STK3: variants seen among roughly 807,000 people sequenced by gnomAD.
STK3 encodes serine/threonine kinase 3, also known as serine/threonine-protein kinase 3.
A neutral mutation model predicts 58.0 loss-of-function variants in STK3; 41 were observed. The ratio of observed to expected loss-of-function variants is 0.71; its 90% CI spans 0.55 to 0.92. The LOEUF is 0.92. Ranked by LOEUF, STK3 falls within the 40% of genes least tolerant of loss-of-function variation. STK3 has a pLI of 0.00. For synonymous variants in STK3, 170 were observed against 191.0 expected (o/e 0.89, Z 0.91); for missense variants, 479 against 602.7 (o/e 0.79, Z 2.15).
intron 4 of STK3, among the ~76,000 whole-genome samples, chr8:98,720,750 C>CACA (rs751661609): frequency 3.2e-5 from 3 of 94,770 alleles, no homozygotes; most frequent in Non-Finnish European, 6.5e-5. Flanking sequence ...GACTCCGTCT[C>CACA]AAAAAAAAAA....
intron 1 of STK3, among the ~76,000 whole-genome samples, chr8:98,908,935 CACT>C (rs144667301): frequency 0.028 from 4,231 of 150,734 alleles, 212 homozygotes; most frequent in African/African-American, 0.098. Flanking sequence ...GTGGGCAGAT[CACT>C]TGAGGTCAGG....
downstream of STK3, among the ~76,000 whole-genome samples, chr8:98,400,131 T>C (rs1817928825): frequency 6.6e-6 from 1 of 151,986 alleles, no homozygotes; most frequent in South Asian, 2.1e-4. Flanking sequence ...GGTCTGACTG[T>C]AGAGATGCAA....
chr8:98,450,427 T>C (rs998364447), downstream of STK3, among the ~76,000 whole-genome samples: 1 of 152,196 alleles, frequency 6.6e-6, no homozygotes, highest in South Asian at 2.1e-4. Flanking sequence ...AATTGCTGTA[T>C]TACAGATGAA....
At chr8:98,747,660 G>C (rs1487809511) in intron 4 of STK3, among the ~76,000 whole-genome samples, 1 of 152,128 alleles carries the variant, frequency 6.6e-6, no homozygotes, top group African/African-American at 2.4e-5. Flanking sequence ...CCTTGCACTA[G>C]AAAAGAAAGA....
intron 8 of STK3, among the ~76,000 whole-genome samples, chr8:98,556,053 T>C (rs1811563270): frequency 6.6e-6 from 1 of 152,048 alleles, no homozygotes; most frequent in South Asian, 2.1e-4. Flanking sequence ...ATTTACCCAG[T>C]GGCAAAGGAG....
At chr8:98,613,617 TA>T (rs541683046) in intron 6 of STK3, among the ~76,000 whole-genome samples, 4 of 150,778 alleles carry the variant, frequency 2.7e-5, no homozygotes, top group South Asian at 2.1e-4. Context: ...AGAAAACTCT[TA>T]AAAAAAATCA....
intron 4 of STK3, among the ~76,000 whole-genome samples, chr8:98,729,299 G>A (rs1563936577): frequency 6.6e-6 from 1 of 151,950 alleles, no homozygotes; most frequent in African/African-American, 2.4e-5. Flanking sequence ...TAGTAGAGAC[G>A]GGGTTTCTCT....
chr8:98,918,186 C>G (rs532528622), intron 1 of STK3, among the ~76,000 whole-genome samples: 1 of 152,104 alleles, frequency 6.6e-6, no homozygotes. Flanking sequence ...GAAGAGATAA[C>G]GTGTATGAAT....
intron 9 of STK3, among the ~76,000 whole-genome samples, chr8:98,536,976 C>G (rs543871979): frequency 6.6e-6 from 1 of 152,078 alleles, no homozygotes; most frequent in Non-Finnish European, 1.5e-5. Flanking sequence ...CCTAAAAAAC[C>G]TATGGCAAAA....
intron 8 of STK3, among the ~76,000 whole-genome samples, chr8:98,548,550 A>G (rs1810905816): frequency 6.6e-6 from 1 of 152,184 alleles, no homozygotes; most frequent in Admixed American, 6.5e-5. Context: ...TGATGTCTAT[A>G]ACCTTGTAAA....
chr8:98,864,482 C>T (rs1837058816), intron 3 of STK3, among the ~76,000 whole-genome samples: 1 of 152,162 alleles, frequency 6.6e-6, no homozygotes, highest in Admixed American at 6.5e-5. Context: ...CTTGTTGAAG[C>T]CACTAGCTAT....
At chr8:98,424,203 C>T (rs1175371711) in intron 3 of STK3, among the ~76,000 whole-genome samples, 3 of 152,248 alleles carry the variant, frequency 2.0e-5, no homozygotes, top group Admixed American at 6.5e-5. Flanking sequence ...TCTGTCTCAG[C>T]CTTTCCAATA....
chr8:98,500,654 T>A (rs1245685136), intron 10 of STK3, among the ~76,000 whole-genome samples: 1 of 152,102 alleles, frequency 6.6e-6, no homozygotes, highest in Admixed American at 6.6e-5. Flanking sequence ...TGAGAACATG[T>A]GGTGTTTGAT....
intron 3 of STK3, among the ~76,000 whole-genome samples, chr8:98,842,730 A>G (rs1587736862): frequency 6.6e-6 from 1 of 152,156 alleles, no homozygotes; most frequent in South Asian, 2.1e-4. Flanking sequence ...GGCTGGGCAC[A>G]GTGGCTCATG....
chr8:98,581,257 G>A (rs560597756), intron 7 of STK3, among the ~76,000 whole-genome samples: 73 of 152,274 alleles, frequency 4.8e-4, no homozygotes, highest in African/African-American at 1.7e-3. Flanking sequence ...GGTACTGTGG[G>A]AAGTAGTCTC....
chr8:98,653,780 C>T (rs542573609), intron 6 of STK3, among the ~76,000 whole-genome samples: 39 of 152,160 alleles, frequency 2.6e-4, no homozygotes, highest in African/African-American at 9.4e-4. Context: ...AAGACTAAAC[C>T]AGGAAGAAGT....
At position 98,604,255 on chromosome 8, in the gene STK3, A is replaced by AT. The variant is rs1490112312; in HGVS notation, c.685-8087dup. Reference sequence around the variant, plus strand: ...TAGTGAGATATGTGTTAGACACTGTATTTTGGAAAGCTCCAAAATAATCTC... The same window carrying AT: ...TAGTGAGATATGTGTTAGACACTGTATTTTTGGAAAGCTCCAAAATAATCTC... On this transcript the variant is annotated intron_variant, in intron 6 of 10. Transcript: ENST00000419617. Among the ~76,000 whole-genome samples the AT allele has an allele frequency of 2.6e-5, 4 of 152,228 alleles. No homozygotes were observed. In the East Asian group the frequency reaches 7.7e-4, roughly 29 times the overall value.
chr8:98,778,002 T>C (rs1226631788), intron 1 of STK3, among the ~76,000 whole-genome samples: 2 of 152,146 alleles, frequency 1.3e-5, no homozygotes, highest in Non-Finnish European at 2.9e-5. Flanking sequence ...CTAAAAGCAA[T>C]GGCAACGAAA....
chr8:98,646,829 C>T (rs1490371186), intron 6 of STK3, among the ~76,000 whole-genome samples: 2 of 152,212 alleles, frequency 1.3e-5, no homozygotes, highest in Non-Finnish European at 2.9e-5. Context: ...ACCACCTCCA[C>T]TGTTACCAAC....
Sources: allele counts gnomAD v4.1 joint callset (sites outside exome capture counted in the v4.1 genomes callset), GRCh38; gene constraint gnomAD v4.1.1; transcripts MANE v1.5; gene names NCBI Gene and HGNC (gene_info 2026-07-23, HGNC 2026-07-21).